The following STX2 variants were observed in gnomAD, a reference collection of about 807,000 sequenced individuals.
The protein encoded by STX2 is syntaxin 2, also known as syntaxin-2.
In STX2, 27 loss-of-function variants were observed where a neutral mutation model predicts 40.6. That is an observed-to-expected ratio of 0.66 (90% CI 0.49 to 0.92). STX2 has a LOEUF of 0.92. Among genes scored for constraint, STX2 ranks in the 40% least tolerant of loss-of-function variants. The probability of loss-of-function intolerance (pLI) is 0.00; values close to 1 mark genes in which losing one functional copy is unlikely to be tolerated. For synonymous variants in STX2, 123 were observed against 119.1 expected, an observed-to-expected ratio of 1.03 and a Z score of -0.22; for missense variants, 328 against 366.1, an observed-to-expected ratio of 0.90 and a Z score of 0.85.
chr12:130,795,618 T>C (rs1951004975), intron 10 of STX2, among the ~76,000 whole-genome samples: 1 of 152,188 alleles, frequency 6.6e-6, no homozygotes, highest in Non-Finnish European at 1.5e-5. Flanking sequence ...TGCACGTCTG[T>C]AGTCCCAGCT....
intron 1 of STX2, among the ~76,000 whole-genome samples, chr12:130,828,894 A>C (rs1013973286): frequency 4.0e-5 from 6 of 151,792 alleles, no homozygotes; most frequent in East Asian, 1.9e-4. Context: ...AAAGAAAAGA[A>C]AAGACAAAAT....
intron 1 of STX2, among the ~76,000 whole-genome samples, chr12:130,837,585 CCTG>C (rs1322199201): frequency 1.3e-5 from 2 of 152,018 alleles, no homozygotes; most frequent in African/African-American, 4.8e-5. Context: ...CGACTGGCCT[CCTG>C]CTAATTTTTT....
At chr12:130,814,343 T>A (rs1045661106) in intron 3 of STX2, among the ~76,000 whole-genome samples, 3 of 152,116 alleles carry the variant, frequency 2.0e-5, no homozygotes, top group African/African-American at 7.2e-5. Context: ...CAAAATGCCA[T>A]GGGCAGCGAG....
intron 3 of STX2, among the ~76,000 whole-genome samples, chr12:130,818,610 T>C (rs1387029180): frequency 6.6e-6 from 1 of 152,154 alleles, no homozygotes; most frequent in Non-Finnish European, 1.5e-5. Flanking sequence ...ATGAGTCTGA[T>C]TTCCCGCGGA....
intron 1 of STX2, 100 bp from the exon 2 acceptor site, chr12:130,827,367 C>T (rs1952361968): frequency 1.4e-5 from 12 of 841,202 alleles, no homozygotes; most frequent in Non-Finnish European, 1.9e-5. Context: ...AAGATCTCAA[C>T]TCACTACAGC....
At chr12:130,819,792 T>C (rs1457556589) in intron 3 of STX2, among the ~76,000 whole-genome samples, 1 of 152,198 alleles carries the variant, frequency 6.6e-6, no homozygotes, top group African/African-American at 2.4e-5. Flanking sequence ...GCCTTGATTA[T>C]TCTACGGGTA....
At chr12:130,831,408 T>C (rs1952551558) in intron 1 of STX2, among the ~76,000 whole-genome samples, 1 of 152,374 alleles carries the variant, frequency 6.6e-6, no homozygotes, top group East Asian at 1.9e-4. Flanking sequence ...CTCATGCCTG[T>C]AATCCCAGCA....
At chr12:130,834,356 CAA>C (rs11355842) in intron 1 of STX2, among the ~76,000 whole-genome samples, 7,118 of 92,742 alleles carry the variant, frequency 0.077, 312 homozygotes, top group African/African-American at 0.18. Flanking sequence ...CACTCTGTCT[CAA>C]AAAAAAAAAA....
At chr12:130,797,429 G>T (rs78547644) in intron 9 of STX2, among the ~76,000 whole-genome samples, 2 of 152,288 alleles carry the variant, frequency 1.3e-5, no homozygotes, top group East Asian at 1.9e-4. Context: ...CAGAGATGAC[G>T]AGCATACTTA....
At chr12:130,805,936 G>A (rs1204060092) in intron 6 of STX2, among the ~76,000 whole-genome samples, 15 of 152,102 alleles carry the variant, frequency 9.9e-5, no homozygotes, top group Non-Finnish European at 2.9e-5. Flanking sequence ...AGACAAAGAC[G>A]GTTCAAGTTA....
chr12:130,829,449 G>A (rs1952470703), intron 1 of STX2, among the ~76,000 whole-genome samples: 1 of 152,204 alleles, frequency 6.6e-6, no homozygotes, highest in South Asian at 2.1e-4. Context: ...CACACACCCT[G>A]CTCTAACAAG....
intron 3 of STX2, among the ~76,000 whole-genome samples, chr12:130,817,064 A>G (rs1293137636): frequency 3.3e-5 from 5 of 152,178 alleles, no homozygotes; most frequent in African/African-American, 1.2e-4. Flanking sequence ...AATAATTCCA[A>G]TACAAAGCTC....
chr12:130,808,249 G>A (rs904632160), intron 5 of STX2, among the ~76,000 whole-genome samples: 6 of 152,142 alleles, frequency 3.9e-5, no homozygotes, highest in African/African-American at 1.4e-4. Flanking sequence ...TGAACGCAGT[G>A]AGCCCTGAGC....
At chr12:130,820,918 C>A (rs1453544929) in intron 3 of STX2, among the ~76,000 whole-genome samples, 5 of 152,146 alleles carry the variant, frequency 3.3e-5, no homozygotes, top group Non-Finnish European at 7.3e-5. Flanking sequence ...TATTTGTAAT[C>A]TCTGGCTTGC....
intron 8 of STX2, among the ~76,000 whole-genome samples, chr12:130,800,092 C>T (rs1474404475): frequency 6.6e-6 from 1 of 152,126 alleles, no homozygotes; most frequent in Non-Finnish European, 1.5e-5. Context: ...GATATAAATG[C>T]TTCCGCTTCA....
At chr12:130,797,096 C>G (rs147155152) in intron 9 of STX2, among the ~76,000 whole-genome samples, 124 of 152,308 alleles carry the variant, frequency 8.1e-4, no homozygotes, top group African/African-American at 2.9e-3. Context: ...ACGTCTCTGA[C>G]GAGTTTATAC....
chr12:130,809,646 G>A (rs1951572390), intron 4 of STX2, among the ~76,000 whole-genome samples: 2 of 152,084 alleles, frequency 1.3e-5, no homozygotes, highest in Admixed American at 1.3e-4. Context: ...GTGAAACCCT[G>A]TCTCTACTAC....
chr12:130,791,149 A>G lies in STX2; in HGVS notation c.*874T>C, dbSNP rs1316796718. On this transcript the variant is annotated 3_prime_UTR_variant, in exon 11 of 11. Transcript: ENST00000392373. The stretch of plus-strand genomic sequence containing the variant: ...AAAATTATTTCTTCAAACAGGCAAT[A>G]AAACAGTATAAAAGGTCTCTTAATT... 1 of 152,202 alleles carries G rather than the reference A, an allele frequency of 6.6e-6. No homozygotes were observed. The highest frequency in any genetic ancestry group is 1.5e-5 in the Non-Finnish European group (1 of 68,030). The allele number at this position is 152,202 out of a possible 1,614,324, so 9.4% of individuals were successfully genotyped here.
Position 130,839,053 on chromosome 12 carries a change from C to A in STX2, c.30+17G>T. ...GCCCCGGCCGGGCCTGAACCGCTAC[C>A]CGCGGCTGCCGCTCACCGCCGTCAG... is the stretch of plus-strand genomic sequence containing the variant. On this transcript the variant is annotated intron_variant, in intron 1 of 10. Coordinates refer to ENST00000392373, the MANE Select transcript of STX2 (RefSeq NM_194356.4). The A allele has an allele frequency of 7.4e-7, 1 of 1,343,742 alleles. No individual in the cohort carries two copies. Among genetic ancestry groups the A allele is most frequent in the South Asian group, 1.8e-5 (1 of 54,310 alleles). 83.2% of individuals were successfully genotyped at this position (1,343,742 alleles called of 1,614,324 possible).
Sources: gnomAD v4.1 joint callset for allele counts (sites outside exome capture counted in the v4.1 genomes callset) on GRCh38, gnomAD v4.1.1 for gene constraint, MANE v1.5 for transcripts, NCBI Gene and HGNC (gene_info 2026-07-23, HGNC 2026-07-21) for gene names.